The following GLI3 variants were observed in gnomAD, a reference collection of about 807,000 sequenced individuals.
GLI3 encodes transcription activator GLI3.
A neutral mutation model predicts 100.8 loss-of-function variants in GLI3; 20 were observed. The observed-to-expected ratio is 0.20, with a 90% CI of 0.14 to 0.29. The LOEUF (loss-of-function observed/expected upper bound fraction) is 0.29, where lower values mean the gene tolerates loss of function less well. Ranked by LOEUF, GLI3 falls within the 10% of genes least tolerant of loss-of-function variation. The probability of loss-of-function intolerance (pLI) is 1.00; values close to 1 mark genes in which losing one functional copy is unlikely to be tolerated. For missense variants in GLI3, 2,040 were observed against 2,128.5 expected (o/e 0.96, Z 0.82); for synonymous variants, 938 against 860.5 (o/e 1.09, Z -1.58).
At chr7:42,257,480 G>A (rs974571200) in intron 1 of GLI3, among the ~76,000 whole-genome samples, 1 of 151,838 alleles carries the variant, frequency 6.6e-6, no homozygotes, top group African/African-American at 2.4e-5. Context: ...GAGTAGCTGG[G>A]ACTACAGGTG....
intron 1 of GLI3, 101 bp downstream of exon 1, chr7:42,236,870 C>G (rs1180955611): frequency 6.6e-6 from 1 of 152,194 alleles, no homozygotes; most frequent in Non-Finnish European, 1.5e-5. Flanking sequence ...CACTCCATCC[C>G]GTCCCCACGC....
chr7:42,235,399 AAAG>A (rs1788769741), intron 1 of GLI3, among the ~76,000 whole-genome samples: 1 of 152,224 alleles, frequency 6.6e-6, no homozygotes, highest in African/African-American at 2.4e-5. Flanking sequence ...AATAGACTGA[AAAG>A]AGCTCATTTC....
intron 1 of GLI3, among the ~76,000 whole-genome samples, chr7:42,243,200 T>C (rs1485112996): frequency 1.3e-5 from 2 of 152,108 alleles, no homozygotes; most frequent in Non-Finnish European, 2.9e-5. Context: ...AGGAAGGACA[T>C]AGGATCTCGG....
At chr7:42,223,903 T>A (rs1788537064) in intron 1 of GLI3, among the ~76,000 whole-genome samples, 1 of 152,236 alleles carries the variant, frequency 6.6e-6, no homozygotes. Flanking sequence ...TTAACCTCTT[T>A]AAAGCATGAG....
intron 8 of GLI3, 124 bp from the exon 9 acceptor site, chr7:42,025,501 T>C: frequency 1.4e-6 from 1 of 730,958 alleles, no homozygotes; most frequent in East Asian, 2.6e-5. Flanking sequence ...ATGACTCTGA[T>C]AATTCTCCAA....
At chr7:42,261,655 C>T (rs1056967659) in intron 1 of GLI3, among the ~76,000 whole-genome samples, 2 of 152,094 alleles carry the variant, frequency 1.3e-5, no homozygotes, top group Non-Finnish European at 2.9e-5. Flanking sequence ...ATACTCAGTA[C>T]ATTAGTTTGT....
chr7:42,068,457 A>G (rs1292023479), intron 4 of GLI3, among the ~76,000 whole-genome samples: 1 of 152,122 alleles, frequency 6.6e-6, no homozygotes, highest in Non-Finnish European at 1.5e-5. Context: ...GAGTTTCAAA[A>G]TCCACCTCTC....
chr7:42,240,093 G>A (rs1788909219), upstream of GLI3, among the ~76,000 whole-genome samples: 2 of 152,166 alleles, frequency 1.3e-5, no homozygotes, highest in African/African-American at 4.8e-5. Flanking sequence ...AAGACACCCA[G>A]AAAGACAATG....
At chr7:41,980,700 G>C (rs1190057300) in intron 10 of GLI3, among the ~76,000 whole-genome samples, 2 of 152,120 alleles carry the variant, frequency 1.3e-5, no homozygotes. Flanking sequence ...AAAGGAAAAG[G>C]TAAAATTGGG....
At chr7:42,158,190 C>G (rs1420999011) in intron 2 of GLI3, among the ~76,000 whole-genome samples, 1 of 152,232 alleles carries the variant, frequency 6.6e-6, no homozygotes, top group Non-Finnish European at 1.5e-5. Flanking sequence ...CTCTGCGCCT[C>G]ACATTTATTG....
At chr7:42,176,176 T>G (rs978493643) in intron 2 of GLI3, among the ~76,000 whole-genome samples, 5 of 152,264 alleles carry the variant, frequency 3.3e-5, no homozygotes, top group Non-Finnish European at 7.4e-5. Context: ...TTGATTAACA[T>G]TTACTCATAC....
At chr7:42,137,668 T>G (rs1243046636) in intron 3 of GLI3, among the ~76,000 whole-genome samples, 2 of 151,974 alleles carry the variant, frequency 1.3e-5, no homozygotes, top group East Asian at 3.9e-4. Flanking sequence ...CAGCTATAGG[T>G]TGAGTATCCC....
intron 2 of GLI3, among the ~76,000 whole-genome samples, chr7:42,182,664 A>ATATATATATATACATACATGTGTG (rs1787629217): frequency 1.3e-5 from 1 of 78,328 alleles, no homozygotes; most frequent in African/African-American, 6.4e-5. Context: ...ATATATATAT[A>ATATATATATATACATACATGTGTG]TATATATATA....
chr7:41,983,679 A>G (rs115880805), intron 10 of GLI3, among the ~76,000 whole-genome samples: 1,921 of 152,304 alleles, frequency 0.013, 38 homozygotes, highest in African/African-American at 0.045. Context: ...AAAGAGATAG[A>G]TGGTGTAAAT....
intron 2 of GLI3, among the ~76,000 whole-genome samples, chr7:42,162,965 C>CTTT (rs58993499): frequency 7.6e-4 from 73 of 95,596 alleles, no homozygotes; most frequent in African/African-American, 1.5e-3. Flanking sequence ...GAATAAACAC[C>CTTT]TTTTTTTTTT....
intron 1 of GLI3, among the ~76,000 whole-genome samples, chr7:42,224,919 C>T (rs993606632): frequency 6.6e-6 from 1 of 152,182 alleles, no homozygotes; most frequent in African/African-American, 2.4e-5. Context: ...GAAGTAACAT[C>T]TTAAGAAGGT....
At chr7:42,157,919 G>A (rs941052934) in intron 2 of GLI3, among the ~76,000 whole-genome samples, 10 of 152,190 alleles carry the variant, frequency 6.6e-5, no homozygotes, top group Non-Finnish European at 1.3e-4. Context: ...GCTGGTATAG[G>A]ACTTTAAAAG....
At chr7:42,179,326 C>T (rs578084195) in intron 2 of GLI3, among the ~76,000 whole-genome samples, 317 of 152,176 alleles carry the variant, frequency 2.1e-3, no homozygotes, top group Non-Finnish European at 3.9e-3. Context: ...TCTGTATTGG[C>T]AGCGTGAAAA....
intron 10 of GLI3, among the ~76,000 whole-genome samples, chr7:41,987,095 G>GACACACACACACAC (rs1323125464): frequency 1.2e-4 from 9 of 73,252 alleles, no homozygotes; most frequent in Non-Finnish European, 1.4e-4. Flanking sequence ...CACAGACACA[G>GACACACACACACAC]ACACAGACAC....
Sources: allele counts gnomAD v4.1 joint callset (sites outside exome capture counted in the v4.1 genomes callset), GRCh38; gene constraint gnomAD v4.1.1; transcripts MANE v1.5; gene names NCBI Gene and HGNC (gene_info 2026-07-23, HGNC 2026-07-21).